Variants in RNF121 observed in about 807,000 individuals in gnomAD.
The protein encoded by RNF121 is ring finger protein 121.
In RNF121, 21 loss-of-function variants were observed where a neutral mutation model predicts 46.5. The observed-to-expected ratio is 0.45, with a 90% CI of 0.32 to 0.65. The LOEUF (loss-of-function observed/expected upper bound fraction) is 0.65. RNF121 is among the 30% of genes least tolerant of loss of function. The probability of loss-of-function intolerance (pLI) is 0.04; values close to 1 mark genes in which losing one functional copy is unlikely to be tolerated. For missense variants in RNF121, 346 were observed against 416.0 expected, an observed-to-expected ratio of 0.83 and a Z score of 1.46; for synonymous variants, 139 against 144.7, an observed-to-expected ratio of 0.96 and a Z score of 0.28.
At chr11:71,942,035 C>T (rs750676003) in intron 1 of RNF121, among the ~76,000 whole-genome samples, 4 of 151,332 alleles carry the variant, frequency 2.6e-5, no homozygotes, top group Non-Finnish European at 5.9e-5. Context: ...TGGGTTCGTG[C>T]CATTCTCCTG....
chr11:71,967,409 G>A (rs1039311963), intron 3 of RNF121, among the ~76,000 whole-genome samples: 2 of 139,284 alleles, frequency 1.4e-5, no homozygotes, highest in African/African-American at 5.3e-5. Context: ...GAGTGCAATG[G>A]CATGGTCTCG....
At chr11:71,979,625 C>A (rs922303253) in intron 3 of RNF121, among the ~76,000 whole-genome samples, 1 of 152,196 alleles carries the variant, frequency 6.6e-6, no homozygotes, top group African/African-American at 2.4e-5. Context: ...AGAATAGAAT[C>A]CAGGATCTCT....
At chr11:71,986,967 CTG>C (rs751991383) in intron 4 of RNF121, 35 bp from the exon 5 acceptor site, 3 of 1,194,358 alleles carry the variant, frequency 2.5e-6, no homozygotes, top group South Asian at 2.4e-5. Context: ...GCCAGAATCT[CTG>C]TGTCAGCTGC....
intron 7 of RNF121, 38 bp from the exon 8 acceptor site, chr11:71,995,412 C>T: frequency 6.6e-7 from 1 of 1,522,564 alleles, no homozygotes; most frequent in Non-Finnish European, 8.9e-7. Flanking sequence ...GGAGTGCCGC[C>T]CTGGCTCTCA....
At chr11:71,952,312 G>T (rs753277810) in intron 1 of RNF121, among the ~76,000 whole-genome samples, 6 of 152,192 alleles carry the variant, frequency 3.9e-5, no homozygotes, top group Admixed American at 6.5e-5. Context: ...GTTGCCTTGG[G>T]CTGCAGGGAA....
At chr11:71,993,841 CT>C (rs531353613) in intron 6 of RNF121, among the ~76,000 whole-genome samples, 4,387 of 136,020 alleles carry the variant, frequency 0.032, 46 homozygotes, top group East Asian at 0.077. Flanking sequence ...GACACTTCCT[CT>C]TTTTTTTTTT....
At chr11:71,981,471 G>A (rs1173915392) in intron 3 of RNF121, among the ~76,000 whole-genome samples, 1 of 152,040 alleles carries the variant, frequency 6.6e-6, no homozygotes, top group Non-Finnish European at 1.5e-5. Flanking sequence ...GATGGCATCA[G>A]GAAGAAAACC....
chr11:71,946,913 G>A (rs1274242589), intron 1 of RNF121, among the ~76,000 whole-genome samples: 1 of 133,074 alleles, frequency 7.5e-6, no homozygotes, highest in Non-Finnish European at 1.5e-5. Context: ...TGTCACCCAG[G>A]CTGGAGTGCA....
At position 71,952,819 on chromosome 11, in the gene RNF121, T is replaced by A. The variant is rs986231526; in HGVS notation, c.64-4408T>A. ...CAAGACTCTGTCTCAAAAAAAAAAA[T>A]TTCATAAATACAATGTGGAATAATT... On this transcript the variant is annotated intron_variant, in intron 1 of 8. Transcript: ENST00000361756. 1.5e-4 allele frequency among the ~76,000 whole-genome samples: 21 copies of A among 136,350 alleles called. 1 individual carries two copies. The highest frequency in any genetic ancestry group is 5.1e-4 in the African/African-American group (19 of 37,040). 89.5% of individuals were successfully genotyped at this position (136,350 alleles called of 152,430 possible).
Position 71,957,223 on chromosome 11 carries a change from A to G in RNF121, c.64-4A>G, listed in dbSNP as rs897034776. The G allele has an allele frequency of 3.1e-6, 5 of 1,595,330 alleles. No homozygotes were observed. Among genetic ancestry groups the G allele is most frequent in the South Asian group, 1.1e-5 (1 of 90,708 alleles). On this transcript the variant is annotated splice_polypyrimidine_tract_variant and splice_region_variant and intron_variant, in intron 1 of 8. Coordinates refer to ENST00000361756, the MANE Select transcript of RNF121 (RefSeq NM_018320.5). ...CGGATTTTTCTGGTGGTGTCTTTCTACAGGTTGATATGTCAGATCTCTCTC... is the reference window on the plus strand; with the variant it reads ...CGGATTTTTCTGGTGGTGTCTTTCTGCAGGTTGATATGTCAGATCTCTCTC...
chr11:71,968,649 A>G (rs978557191), intron 3 of RNF121, among the ~76,000 whole-genome samples: 9 of 152,192 alleles, frequency 5.9e-5, no homozygotes, highest in African/African-American at 2.2e-4. Context: ...AACACTAGCT[A>G]GCATTTATTG....
intron 3 of RNF121, among the ~76,000 whole-genome samples, chr11:71,975,181 A>G (rs1388896247): frequency 6.6e-6 from 1 of 152,218 alleles, no homozygotes; most frequent in Non-Finnish European, 1.5e-5. Context: ...CCAAGATATT[A>G]GGATTACTAG....
chr11:71,929,252 C>T (rs1421457861), intron 1 of RNF121, 128 bp downstream of exon 1: 42 of 1,402,936 alleles, frequency 3.0e-5, no homozygotes, highest in African/African-American at 1.0e-4. Context: ...GACTAGGGGG[C>T]GGGTGCGTGG....
intron 3 of RNF121, among the ~76,000 whole-genome samples, chr11:71,981,308 C>T (rs1954649446): frequency 6.6e-6 from 1 of 152,182 alleles, no homozygotes; most frequent in Non-Finnish European, 1.5e-5. Flanking sequence ...CCTCAGCCTC[C>T]CAAAGTGCTG....
At chr11:71,948,077 G>GA (rs776240851) in intron 1 of RNF121, among the ~76,000 whole-genome samples, 3 of 152,156 alleles carry the variant, frequency 2.0e-5, no homozygotes, top group African/African-American at 4.8e-5. Context: ...TGAGTATATG[G>GA]AAAGCTGCAG....
intron 3 of RNF121, among the ~76,000 whole-genome samples, chr11:71,981,174 G>A (rs1054796922): frequency 6.6e-6 from 1 of 151,504 alleles, no homozygotes; most frequent in African/African-American, 2.4e-5. Context: ...TCAGCCTCCT[G>A]AGTAGCTGGG....
At chr11:71,970,594 TAACGCTTC>T (rs1477978550) in intron 3 of RNF121, among the ~76,000 whole-genome samples, 1 of 151,982 alleles carries the variant, frequency 6.6e-6, no homozygotes, top group Non-Finnish European at 1.5e-5. Flanking sequence ...CCCAGGAGTT[TAACGCTTC>T]AGTAAACTAT....
intron 4 of RNF121, among the ~76,000 whole-genome samples, chr11:71,985,588 T>C (rs1366619667): frequency 1.3e-5 from 2 of 152,194 alleles, no homozygotes; most frequent in Non-Finnish European, 2.9e-5. Context: ...CCATCACTGC[T>C]TGCCTGGCCA....
At chr11:71,937,881 G>A (rs1006393085) in intron 1 of RNF121, among the ~76,000 whole-genome samples, 4 of 152,118 alleles carry the variant, frequency 2.6e-5, no homozygotes, top group African/African-American at 7.2e-5. Context: ...ACTTCTTTAT[G>A]TTTTCCCTTG....
Sources: gnomAD v4.1 joint callset for allele counts (sites outside exome capture counted in the v4.1 genomes callset) on GRCh38, gnomAD v4.1.1 for gene constraint, MANE v1.5 for transcripts, NCBI Gene and HGNC (gene_info 2026-07-23, HGNC 2026-07-21) for gene names.